ZMYND8: variants seen among roughly 807,000 people sequenced by gnomAD.
ZMYND8 encodes MYND-type zinc finger-containing chromatin reader ZMYND8.
ZMYND8 carries 37 observed loss-of-function variants against 140.8 expected under a neutral mutation model. The ratio of observed to expected loss-of-function variants is 0.26; its 90% CI spans 0.20 to 0.35. ZMYND8 has a LOEUF of 0.35. Ranked by LOEUF, ZMYND8 falls within the 10% of genes least tolerant of loss-of-function variation. The probability of loss-of-function intolerance (pLI) is 1.00; values close to 1 mark genes in which losing one functional copy is unlikely to be tolerated. For synonymous variants in ZMYND8, 592 were observed against 597.1 expected, an observed-to-expected ratio of 0.99 and a Z score of 0.12; for missense variants, 1,068 against 1,570.0, an observed-to-expected ratio of 0.68 and a Z score of 5.40.
chr20:47,250,568 T>C (rs1281173542), intron 12 of ZMYND8, among the ~76,000 whole-genome samples: 4 of 152,198 alleles, frequency 2.6e-5, no homozygotes, highest in Non-Finnish European at 4.4e-5. Context: ...GCTCCCTCCA[T>C]ACCTCAGGCC....
At position 47,223,990 on chromosome 20, in the gene ZMYND8, T is replaced by C. The variant is rs531965486; in HGVS notation, c.3256+327A>G. Among the ~76,000 whole-genome samples, 198 of 152,224 alleles carry C rather than the reference T, an allele frequency of 1.3e-3. 3 individuals carry two copies. The highest frequency in any genetic ancestry group is 4.5e-3 in the African/African-American group (187 of 41,544). ...TAACACTTTTTACTTAACAAAGAAA[T>C]TGGGAATCCATATTATCTAAAGCCA... On this transcript the variant is annotated intron_variant, in intron 19 of 22. Transcript: ENST00000471951.
intron 20 of ZMYND8, among the ~76,000 whole-genome samples, chr20:47,221,113 A>G (rs2235908): frequency 0.5 from 75,400 of 151,874 alleles, 18,995 homozygotes; most frequent in African/African-American, 0.54. Context: ...GGTCCCCAGC[A>G]GAGAGTACTG....
chr20:47,240,591 G>A (rs989393707), intron 14 of ZMYND8, among the ~76,000 whole-genome samples: 5 of 151,868 alleles, frequency 3.3e-5, no homozygotes, highest in African/African-American at 1.2e-4. Context: ...TTCTCACTCT[G>A]TCACCCAGGG....
At chr20:47,213,412 G>A (rs1415042092) in intron 21 of ZMYND8, among the ~76,000 whole-genome samples, 2 of 152,208 alleles carry the variant, frequency 1.3e-5, no homozygotes, top group Non-Finnish European at 2.9e-5. Context: ...GGCTATAAAA[G>A]AATGGAATAT....
At chr20:47,355,609 T>C (rs779202116) in intron 1 of ZMYND8, 95 of 550,270 alleles carry the variant, frequency 1.7e-4, no homozygotes, top group Non-Finnish European at 2.2e-4. Flanking sequence ...CAACTGAATA[T>C]GGAATGCTGT....
chr20:47,275,263 G>A (rs1363826846), intron 11 of ZMYND8, among the ~76,000 whole-genome samples: 1 of 152,154 alleles, frequency 6.6e-6, no homozygotes, highest in Non-Finnish European at 1.5e-5. Flanking sequence ...AGCCCAAGGC[G>A]GGTGGATCAC....
rs777361416 is a variant in ZMYND8, at chr20:47,318,952, T to C, written c.86-8748A>G. The C allele has an allele frequency of 7.4e-6, 10 of 1,351,120 alleles. 1 individual carries two copies. The East Asian group carries it at 1.8e-4, about 25-fold the overall frequency. 83.7% of individuals were successfully genotyped at this position (1,351,120 alleles called of 1,614,324 possible). On this transcript the variant is annotated intron_variant, in intron 2 of 22. Coordinates refer to ENST00000471951, the MANE Select transcript of ZMYND8 (RefSeq NM_001281775.3). Reference sequence around the variant, plus strand: ...GGAACGCCAAGAGGAGGCACTTACCTGCCATTGAGAAAGTGCGGCTGCTCA... The same window carrying C: ...GGAACGCCAAGAGGAGGCACTTACCCGCCATTGAGAAAGTGCGGCTGCTCA...
At chr20:47,276,200 C>G (rs1265669726) in intron 11 of ZMYND8, 114 bp downstream of exon 11, 4 of 1,366,666 alleles carry the variant, frequency 2.9e-6, no homozygotes. Flanking sequence ...CTGTGGCCCC[C>G]TACAGTTCCC....
chr20:47,289,535 G>T (rs1265367773), intron 7 of ZMYND8, among the ~76,000 whole-genome samples: 1 of 151,546 alleles, frequency 6.6e-6, no homozygotes. Flanking sequence ...ATTCCTAACA[G>T]CCCAAAGCTA....
intron 16 of ZMYND8, among the ~76,000 whole-genome samples, chr20:47,235,634 G>A (rs542565095): frequency 6.6e-6 from 1 of 151,932 alleles, no homozygotes; most frequent in East Asian, 1.9e-4. Context: ...TTGAACCCAG[G>A]AGGCGGAGGT....
In ZMYND8 at chr20:47,350,453, T is replaced by TTGTG. The variant is rs536152663; in HGVS notation, c.15-2531_15-2528dup. Among the ~76,000 whole-genome samples the TTGTG allele has an allele frequency of 6.6e-5, 10 of 151,418 alleles. No homozygotes were observed. The South Asian group carries it at 1.5e-3, about 22-fold the overall frequency. On this transcript the variant is annotated intron_variant, in intron 1 of 22. Coordinates refer to ENST00000471951, the MANE Select transcript of ZMYND8 (RefSeq NM_001281775.3). The stretch of plus-strand genomic sequence containing the variant: ...TCCTACACCACTGATTTCGGTTTTT[T>TTGTG]TGTGTGTGTGTGTGTGTTTTTTTTT...
At position 47,209,856 on chromosome 20, in the gene ZMYND8, C is replaced by T. The variant is rs868280083; in HGVS notation, c.*905G>A. Reference sequence around the variant, plus strand: ...ATGCTTCATCCCAGACTCAAACGTCCTCTGCGTGCACCTTGCCTTTGAGTC... The same window carrying T: ...ATGCTTCATCCCAGACTCAAACGTCTTCTGCGTGCACCTTGCCTTTGAGTC... On this transcript the variant is annotated 3_prime_UTR_variant, in exon 23 of 23. Coordinates refer to ENST00000471951, the MANE Select transcript of ZMYND8 (RefSeq NM_001281775.3). The T allele has an allele frequency of 6.6e-6, 1 of 152,630 alleles. No homozygotes were observed. The highest frequency in any genetic ancestry group is 1.5e-5 in the Non-Finnish European group (1 of 68,040). The allele number at this position is 152,630 out of a possible 1,614,324, so 9.5% of individuals were successfully genotyped here.
At chr20:47,324,856 C>T (rs2080278658) in intron 2 of ZMYND8, among the ~76,000 whole-genome samples, 2 of 152,210 alleles carry the variant, frequency 1.3e-5, no homozygotes, top group Middle Eastern at 6.8e-3. Flanking sequence ...ATTATATAAT[C>T]CTGAAGTTAT....
intron 3 of ZMYND8, among the ~76,000 whole-genome samples, chr20:47,309,147 T>A (rs2078722287): frequency 1.3e-5 from 2 of 152,116 alleles, no homozygotes; most frequent in Admixed American, 1.3e-4. Context: ...TTAGAAAAGA[T>A]CCAAACGGTG....
chr20:47,216,123 C>A (rs1285482778), intron 21 of ZMYND8, among the ~76,000 whole-genome samples: 1 of 152,022 alleles, frequency 6.6e-6, no homozygotes, highest in Non-Finnish European at 1.5e-5. Context: ...GCAGGGAGGT[C>A]CAAAACAGAG....
chr20:47,355,581 A>G, intron 1 of ZMYND8: 1 of 800,754 alleles, frequency 1.2e-6, no homozygotes, highest in Non-Finnish European at 1.5e-6. Flanking sequence ...CACACACAAC[A>G]ACAACAACAC....
chr20:47,346,253 G>A (rs1291009386), intron 2 of ZMYND8, among the ~76,000 whole-genome samples: 4 of 152,066 alleles, frequency 2.6e-5, no homozygotes, highest in Non-Finnish European at 4.4e-5. Context: ...CAACAAGGGG[G>A]CTGAGAAGTG....
chr20:47,226,694 C>T (rs2037757750), intron 18 of ZMYND8, among the ~76,000 whole-genome samples: 1 of 152,158 alleles, frequency 6.6e-6, no homozygotes, highest in Non-Finnish European at 1.5e-5. Flanking sequence ...TAACAGATCC[C>T]TTTATCACAA....
rs571681331 is a variant in ZMYND8 at position 47,346,753 on chromosome 20, C to G, written c.85+1103G>C. The stretch of plus-strand genomic sequence containing the variant: ...TCCTAAGTAGCTAGGATTACAGGCG[C>G]GTGCCACCATGCCCGACTAATTTTT... On this transcript the variant is annotated intron_variant, in intron 2 of 22. Coordinates refer to ENST00000471951, the MANE Select transcript of ZMYND8 (RefSeq NM_001281775.3). 7.2e-5 allele frequency among the ~76,000 whole-genome samples: 11 copies of G among 152,290 alleles called. No homozygotes were observed. The East Asian group carries it at 1.9e-3, about 27-fold the overall frequency.
Sources: gnomAD v4.1 joint callset for allele counts (sites outside exome capture counted in the v4.1 genomes callset) on GRCh38, gnomAD v4.1.1 for gene constraint, MANE v1.5 for transcripts, NCBI Gene and HGNC (gene_info 2026-07-23, HGNC 2026-07-21) for gene names.